Variants in PPP6R3 observed in about 807,000 individuals in gnomAD.
PPP6R3 encodes serine/threonine-protein phosphatase 6 regulatory subunit 3.
PPP6R3 carries 38 observed loss-of-function variants against 110.7 expected under a neutral mutation model. The ratio of observed to expected loss-of-function variants is 0.34; its 90% CI spans 0.26 to 0.45. The LOEUF (loss-of-function observed/expected upper bound fraction) is 0.45. Among genes scored for constraint, PPP6R3 ranks in the 20% least tolerant of loss-of-function variants. The pLI is 1.00. For missense variants in PPP6R3, 870 were observed against 1,062.4 expected, an observed-to-expected ratio of 0.82 and a Z score of 2.52; for synonymous variants, 369 against 373.5, an observed-to-expected ratio of 0.99 and a Z score of 0.14.
intron 8 of PPP6R3, among the ~76,000 whole-genome samples, chr11:68,561,248 T>A (rs2099418572): frequency 6.6e-6 from 1 of 152,218 alleles, no homozygotes; most frequent in African/African-American, 2.4e-5. Flanking sequence ...TAAATAGTAT[T>A]ATTTTTTGTT....
chr11:68,526,845 A>G (rs1332610132), intron 2 of PPP6R3, among the ~76,000 whole-genome samples: 1 of 152,248 alleles, frequency 6.6e-6, no homozygotes, highest in Non-Finnish European at 1.5e-5. Flanking sequence ...ATTCCTGTAC[A>G]TTCAAGGTTT....
chr11:68,569,653 T>G, intron 10 of PPP6R3, 95 bp from the exon 11 acceptor site: 1 of 1,176,380 alleles, frequency 8.5e-7, no homozygotes, highest in Non-Finnish European at 1.2e-6. Context: ...GAGCACATCA[T>G]TTTTACTTTA....
In PPP6R3 at chr11:68,489,023, C is replaced by A. The variant is rs551678997; in HGVS notation, c.-158+28196C>A. On this transcript the variant is annotated intron_variant, in intron 1 of 23. Coordinates refer to ENST00000393800, the MANE Select transcript of PPP6R3 (RefSeq NM_001164161.2). ...TTTATTGCTGTTTTCCAGGTTTTGC[C>A]TTTTTTTTTTTTTGAGGCAGAGTCT... Among the ~76,000 whole-genome samples, 3 of 140,650 alleles carry A rather than the reference C, an allele frequency of 2.1e-5. No homozygotes were observed. In the South Asian group the frequency reaches 6.8e-4, roughly 32 times the overall value. 92.3% of individuals were successfully genotyped at this position (140,650 alleles called of 152,430 possible).
intron 4 of PPP6R3, 69 bp downstream of exon 4, chr11:68,545,093 G>A: frequency 2.4e-6 from 3 of 1,247,162 alleles, no homozygotes; most frequent in Non-Finnish European, 3.3e-6. Flanking sequence ...CCCAGTACTT[G>A]TTGCTTTAAG....
At chr11:68,476,077 C>T (rs1217227569) in intron 1 of PPP6R3, among the ~76,000 whole-genome samples, 1 of 152,208 alleles carries the variant, frequency 6.6e-6, no homozygotes, top group Non-Finnish European at 1.5e-5. Context: ...CGGGCAGAGG[C>T]TGCAATCTCG....
chr11:68,527,442 T>G (rs2099205258), intron 2 of PPP6R3, among the ~76,000 whole-genome samples: 1 of 152,138 alleles, frequency 6.6e-6, no homozygotes, highest in Non-Finnish European at 1.5e-5. Context: ...CGTCTTACCT[T>G]CATCCCCTTC....
In PPP6R3 at chr11:68,614,178, T is replaced by C; in HGVS notation, c.*1061T>C. ...CTGGCACCGAAGCATGCTAATTGTT[T>C]ACTGTACCTTGTGAGGTTTTCACTC... On this transcript the variant is annotated 3_prime_UTR_variant, in exon 24 of 24. Coordinates refer to ENST00000393800, the MANE Select transcript of PPP6R3 (RefSeq NM_001164161.2). The C allele has an allele frequency of 1.0e-6, 1 of 987,126 alleles. No individual in the cohort carries two copies. Among genetic ancestry groups the C allele is most frequent in the Non-Finnish European group, 1.2e-6 (1 of 830,866 alleles). The allele number at this position is 987,126 out of a possible 1,614,324, so 61.1% of individuals were successfully genotyped here. A position where few individuals can be genotyped will look rare whatever the true frequency, so the allele number is the denominator to read the frequency against.
intron 20 of PPP6R3, among the ~76,000 whole-genome samples, chr11:68,600,701 G>A (rs1355713341): frequency 6.6e-6 from 1 of 152,194 alleles, no homozygotes; most frequent in African/African-American, 2.4e-5. Context: ...TGGATTAATT[G>A]GAAATGGGAG....
intron 2 of PPP6R3, among the ~76,000 whole-genome samples, chr11:68,537,106 A>G (rs930169972): frequency 2.0e-5 from 3 of 152,236 alleles, no homozygotes; most frequent in Non-Finnish European, 4.4e-5. Context: ...ATGTTTTCCT[A>G]GTAAACAGAG....
chr11:68,575,467 A>G (rs575532983), intron 13 of PPP6R3, among the ~76,000 whole-genome samples: 9 of 152,310 alleles, frequency 5.9e-5, no homozygotes, highest in African/African-American at 2.2e-4. Flanking sequence ...GGTTCTGTGG[A>G]ACATTCATTG....
At chr11:68,607,157 T>G (rs1261716101) in intron 22 of PPP6R3, among the ~76,000 whole-genome samples, 1 of 152,192 alleles carries the variant, frequency 6.6e-6, no homozygotes, top group Non-Finnish European at 1.5e-5. Flanking sequence ...TAGAAGTAAC[T>G]TAATACTCTA....
rs150280442 is a variant in PPP6R3 at position 68,548,104 on chromosome 11, A to C, written c.452A>C (p.Asp151Ala). ...TTAAAGAAGAAGCATGATTTTGTAG[A>C]CCTTATTATAAAGCACATAGGAACT... ...DFLKKKHDFV[D>A]LIIKHIGTSA... is the part of the protein sequence containing the mutation. Residue 151 changes from aspartate (D) to alanine (A), a missense_variant, in exon 5 of 24, where the codon GAC becomes GCC. Physicochemically the swap from Asp to Ala is moderately radical, Grantham distance 126. Coordinates refer to ENST00000393800, the MANE Select transcript of PPP6R3 (RefSeq NM_001164161.2). 4.2e-5 allele frequency: 67 copies of C among 1,613,622 alleles called. No individual in the cohort carries two copies. The highest frequency in any genetic ancestry group is 5.5e-5 in the Non-Finnish European group (65 of 1,179,710).
At chr11:68,511,004 A>G (rs981328280) in intron 1 of PPP6R3, among the ~76,000 whole-genome samples, 2 of 151,504 alleles carry the variant, frequency 1.3e-5, no homozygotes, top group Non-Finnish European at 2.9e-5. Flanking sequence ...GTTTGTTAAC[A>G]TTTTGGTTAA....
chr11:68,569,037 G>A (rs1205006737), intron 10 of PPP6R3, among the ~76,000 whole-genome samples: 2 of 152,140 alleles, frequency 1.3e-5, no homozygotes, highest in Admixed American at 6.5e-5. Context: ...AGAGATTACA[G>A]GCATGAGCCA....
intron 19 of PPP6R3, among the ~76,000 whole-genome samples, chr11:68,598,214 G>A (rs1179679320): frequency 6.6e-6 from 1 of 152,118 alleles, no homozygotes; most frequent in Admixed American, 6.5e-5. Flanking sequence ...GTTTCCCTTA[G>A]CATAATGTCT....
At chr11:68,573,156 T>TATATATAAAA (rs1565936514) in intron 12 of PPP6R3, among the ~76,000 whole-genome samples, 1 of 49,526 alleles carries the variant, frequency 2.0e-5, no homozygotes, top group Non-Finnish European at 3.9e-5. Context: ...ATATATATAA[T>TATATATAAAA]TTTTTTTTTT....
chr11:68,594,288 GAGAGGAGAGAGGAGA>G (rs1489185668), intron 18 of PPP6R3, among the ~76,000 whole-genome samples: 1 of 148,322 alleles, frequency 6.7e-6, no homozygotes, highest in African/African-American at 2.5e-5. Context: ...GAGAGAGAGA[GAGAGGAGAGAGGAGA>G]GAGAGAGAGA....
intron 1 of PPP6R3, among the ~76,000 whole-genome samples, chr11:68,479,577 G>T (rs1260077882): frequency 1.3e-5 from 2 of 152,172 alleles, no homozygotes; most frequent in African/African-American, 4.8e-5. Flanking sequence ...GGTATTGAGA[G>T]TGATAAGAAG....
At position 68,613,216 on chromosome 11, in the gene PPP6R3, C is replaced by A; in HGVS notation, c.*99C>A. The A allele has an allele frequency of 6.5e-7, 1 of 1,548,136 alleles. No individual in the cohort carries two copies. The highest frequency in any genetic ancestry group is 2.0e-5 in the Admixed American group (1 of 50,472). ...AGCCCACCAAGCTGTCACTGCTGCA[C>A]TCACTCTGCAAGGGATCAGGACCAG... is the stretch of plus-strand genomic sequence containing the variant. On this transcript the variant is annotated 3_prime_UTR_variant, in exon 24 of 24. Coordinates refer to ENST00000393800, the MANE Select transcript of PPP6R3 (RefSeq NM_001164161.2).
Sources: allele counts gnomAD v4.1 joint callset (sites outside exome capture counted in the v4.1 genomes callset), GRCh38; gene constraint gnomAD v4.1.1; transcripts MANE v1.5; gene names NCBI Gene and HGNC (gene_info 2026-07-23, HGNC 2026-07-21).